Variants in CTNNA3 observed in about 807,000 individuals in gnomAD.
CTNNA3 encodes the protein catenin alpha-3.
In CTNNA3, 76 loss-of-function variants were observed where a neutral mutation model predicts 95.7. The observed-to-expected ratio is 0.79, with a 90% CI of 0.66 to 0.96. The LOEUF is 0.96. Ranked by LOEUF, CTNNA3 falls within the 40% of genes least tolerant of loss-of-function variation. The pLI, the probability that CTNNA3 is intolerant of heterozygous loss-of-function variation, is 0.00. For synonymous variants in CTNNA3, 431 were observed against 374.4 expected, an observed-to-expected ratio of 1.15 and a Z score of -1.74; for missense variants, 1,191 against 1,089.8, an observed-to-expected ratio of 1.09 and a Z score of -1.31.
chr10:67,277,782 C>A (rs1022105658), intron 5 of CTNNA3, among the ~76,000 whole-genome samples: 9 of 152,096 alleles, frequency 5.9e-5, no homozygotes, highest in Non-Finnish European at 1.2e-4. Flanking sequence ...GACACTCCCA[C>A]CAGTGTCATG....
rs528160628 is a variant in CTNNA3, at chr10:67,581,254, A to C, written c.292+25603T>G. ...TCCCATCAACACCTAGTTTATTGAG[A>C]GTTTTTAGCATGAAGGGCTGTTGAA... is the stretch of plus-strand genomic sequence containing the variant. On this transcript the variant is annotated intron_variant, in intron 3 of 17. Transcript: ENST00000433211. 1.3e-4 allele frequency among the ~76,000 whole-genome samples: 20 copies of C among 152,216 alleles called. 1 individual carries two copies. In the South Asian group the frequency reaches 4.1e-3, roughly 32 times the overall value.
chr10:66,776,415 C>A (rs529388394), intron 7 of CTNNA3, among the ~76,000 whole-genome samples: 1 of 152,232 alleles, frequency 6.6e-6, no homozygotes, highest in South Asian at 2.1e-4. Flanking sequence ...ACAGCACGAA[C>A]TCAATGAAAA....
chr10:66,926,117 G>T, intron 7 of CTNNA3: 1 of 458,800 alleles, frequency 2.2e-6, no homozygotes, highest in Non-Finnish European at 4.4e-6. Flanking sequence ...CTGCCTTCTG[G>T]GCTCCAACGC....
intron 15 of CTNNA3, among the ~76,000 whole-genome samples, chr10:65,991,551 C>T (rs7068627): frequency 0.04 from 6,086 of 151,620 alleles, 407 homozygotes; most frequent in African/African-American, 0.14. Flanking sequence ...ATTTCTTTTG[C>T]ACATTTTTCA....
At chr10:67,702,000 A>T (rs995073650) in intron 1 of CTNNA3, among the ~76,000 whole-genome samples, 1 of 152,248 alleles carries the variant, frequency 6.6e-6, no homozygotes, top group South Asian at 2.1e-4. Flanking sequence ...AACAGACTTT[A>T]AACCAACAAA....
chr10:67,661,368 G>A (rs577575277), intron 1 of CTNNA3, among the ~76,000 whole-genome samples: 11 of 152,168 alleles, frequency 7.2e-5, no homozygotes, highest in Admixed American at 2.0e-4. Context: ...GGGAGGCAGG[G>A]AGGGAATGTT....
chr10:66,533,146 T>G (rs1422270354), intron 10 of CTNNA3, among the ~76,000 whole-genome samples: 1 of 152,188 alleles, frequency 6.6e-6, no homozygotes, highest in African/African-American at 2.4e-5. Context: ...CCTAAGGCCC[T>G]GAAATATTTG....
At chr10:67,409,276 G>A (rs897258881) in intron 5 of CTNNA3, among the ~76,000 whole-genome samples, 6 of 151,944 alleles carry the variant, frequency 3.9e-5, no homozygotes, top group Admixed American at 2.0e-4. Flanking sequence ...CTATAAAGAC[G>A]CATGCACACG....
intron 11 of CTNNA3, among the ~76,000 whole-genome samples, chr10:66,467,931 T>C (rs1447205673): frequency 6.6e-6 from 1 of 152,040 alleles, no homozygotes; most frequent in Admixed American, 6.6e-5. Context: ...TATTTTCTTT[T>C]TTTTCCCCAA....
At chr10:66,912,883 C>G (rs920803102) in intron 7 of CTNNA3, among the ~76,000 whole-genome samples, 1 of 150,314 alleles carries the variant, frequency 6.7e-6, no homozygotes, top group East Asian at 1.9e-4. Flanking sequence ...ACTATACAGC[C>G]AAGGAAGCCA....
chr10:66,731,924 A>G (rs1423865190), intron 9 of CTNNA3, among the ~76,000 whole-genome samples: 1 of 152,218 alleles, frequency 6.6e-6, no homozygotes, highest in Non-Finnish European at 1.5e-5. Context: ...CTTAAATGTA[A>G]CAGTTTTTGG....
intron 9 of CTNNA3, among the ~76,000 whole-genome samples, chr10:66,659,080 T>C (rs1217764792): frequency 6.6e-6 from 1 of 152,078 alleles, no homozygotes; most frequent in Non-Finnish European, 1.5e-5. Flanking sequence ...ATGATATACC[T>C]GAAACTCTTC....
intron 7 of CTNNA3, among the ~76,000 whole-genome samples, chr10:67,164,584 T>C (rs1861680340): frequency 6.6e-6 from 1 of 152,208 alleles, no homozygotes; most frequent in South Asian, 2.1e-4. Flanking sequence ...AAAAAATAGA[T>C]AAAGCTTACT....
intron 6 of CTNNA3, among the ~76,000 whole-genome samples, chr10:67,193,301 C>T (rs1863204163): frequency 6.6e-6 from 1 of 151,904 alleles, no homozygotes; most frequent in South Asian, 2.1e-4. Flanking sequence ...CCTTCTTTGT[C>T]AATTGAATAT....
At chr10:66,685,230 C>T (rs142872749) in intron 9 of CTNNA3, among the ~76,000 whole-genome samples, 30,732 of 110,420 alleles carry the variant, frequency 0.28, 4,995 homozygotes, top group East Asian at 0.59. Flanking sequence ...TATATATATA[C>T]GTATATATGT....
chr10:67,171,245 T>C (rs1469299354), intron 7 of CTNNA3, among the ~76,000 whole-genome samples: 3 of 152,182 alleles, frequency 2.0e-5, no homozygotes, highest in Non-Finnish European at 4.4e-5. Context: ...TGCTAAATCT[T>C]ATGTGAGACA....
At chr10:66,862,591 A>G (rs1417029140) in intron 7 of CTNNA3, among the ~76,000 whole-genome samples, 1 of 152,178 alleles carries the variant, frequency 6.6e-6, no homozygotes, top group East Asian at 1.9e-4. Context: ...AAAGCTAACA[A>G]AGTTTGAAGA....
intron 10 of CTNNA3, among the ~76,000 whole-genome samples, chr10:66,621,271 C>T (rs1231812546): frequency 6.6e-6 from 1 of 152,080 alleles, no homozygotes; most frequent in Non-Finnish European, 1.5e-5. Flanking sequence ...GAATGTCAGT[C>T]TTTTTCTCTA....
chr10:66,263,678 T>G (rs2091073594), intron 13 of CTNNA3, among the ~76,000 whole-genome samples: 1 of 151,988 alleles, frequency 6.6e-6, no homozygotes, highest in Non-Finnish European at 1.5e-5. Flanking sequence ...AGTGGAAGTA[T>G]GCTGGTCCTC....
Sources: allele counts gnomAD v4.1 joint callset (sites outside exome capture counted in the v4.1 genomes callset), GRCh38; gene constraint gnomAD v4.1.1; transcripts MANE v1.5; gene names NCBI Gene and HGNC (gene_info 2026-07-23, HGNC 2026-07-21).